Variants in NDUFB1 observed in about 807,000 individuals in gnomAD.
NDUFB1 encodes the protein NADH dehydrogenase [ubiquinone] 1 beta subcomplex subunit 1.
In NDUFB1, 6 loss-of-function variants were observed where a neutral mutation model predicts 6.7. The ratio of observed to expected loss-of-function variants is 0.89; its 90% CI spans 0.49 to 1.76. NDUFB1 has a LOEUF of 1.76. Among genes scored for constraint, NDUFB1 ranks in the 40% most tolerant of loss-of-function variants. The probability of loss-of-function intolerance (pLI) is 0.01; values close to 1 mark genes in which losing one functional copy is unlikely to be tolerated. For synonymous variants in NDUFB1, 17 were observed against 22.9 expected, an observed-to-expected ratio of 0.74 and a Z score of 0.74; for missense variants, 56 against 71.0, an observed-to-expected ratio of 0.79 and a Z score of 0.76.
Position 92,121,045 on chromosome 14 carries a change from C to A in NDUFB1, c.-6+597G>T, listed in dbSNP as rs377181332. On this transcript the variant is annotated intron_variant, in intron 1 of 2. Transcript: ENST00000605997. The stretch of plus-strand genomic sequence containing the variant: ...GGTGTGGTGGCGGGCGCCTGTAATC[C>A]CAGCTACTTGGGCTGCTGAGACGGG... 1.5e-4 allele frequency among the ~76,000 whole-genome samples: 23 copies of A among 152,134 alleles called. 2 individuals carry two copies. The highest frequency in any genetic ancestry group is 5.1e-4 in the African/African-American group (21 of 41,540).
At chr14:92,116,325 C>CT in intron 2 of NDUFB1, 96 bp from the exon 3 acceptor site, 1 of 648,638 alleles carries the variant, frequency 1.5e-6, no homozygotes. Context: ...TGCAATATTT[C>CT]ATTTTCTTTT....
intron 1 of NDUFB1, among the ~76,000 whole-genome samples, chr14:92,119,205 C>T (rs548673491): frequency 4.0e-5 from 6 of 148,938 alleles, no homozygotes; most frequent in Non-Finnish European, 5.9e-5. Context: ...CCAGCTACTT[C>T]GGAGGCTGAG....
At chr14:92,120,245 CCAA>C (rs1312978742) in intron 1 of NDUFB1, 2 of 152,124 alleles carry the variant, frequency 1.3e-5, no homozygotes, top group African/African-American at 4.8e-5. Context: ...TACATTATTG[CCAA>C]CAAAAGTGCT....
rs2068764739 is a variant in NDUFB1 at position 92,121,587 on chromosome 14, C to A, written c.-6+55G>T. 3 of 1,608,968 alleles carry A rather than the reference C, an allele frequency of 1.9e-6. No individual in the cohort carries two copies. In the African/African-American group the frequency reaches 4.0e-5, roughly 22 times the overall value. ...CCGAGGGCTTGCCTAGAACCCTCCC[C>A]GCCACCGTCGCCGTGATCCTCGTCG... On this transcript the variant is annotated intron_variant, in intron 1 of 2. Transcript: ENST00000605997.
intron 1 of NDUFB1, 43 bp from the exon 2 acceptor site, chr14:92,117,685 T>G (rs199883313): frequency 1.3e-6 from 2 of 1,566,626 alleles, no homozygotes; most frequent in African/African-American, 1.5e-5. Flanking sequence ...TGCTTTGTTT[T>G]TTTTTTGAAA....
At position 92,121,690 on chromosome 14, in the gene NDUFB1, A is replaced by C; in HGVS notation, c.-54T>G. The C allele has an allele frequency of 6.2e-7, 1 of 1,613,558 alleles. No individual in the cohort carries two copies. Among genetic ancestry groups the C allele is most frequent in the Non-Finnish European group, 8.5e-7 (1 of 1,179,922 alleles). ...ACCCCGAGACCAAGGGCAACAGGGAACTCAACCCGCGCCAGTGGAAGCTGC... is the reference window on the plus strand; with the variant it reads ...ACCCCGAGACCAAGGGCAACAGGGACCTCAACCCGCGCCAGTGGAAGCTGC... On this transcript the variant is annotated 5_prime_UTR_variant, in exon 1 of 3. Coordinates refer to ENST00000605997, the MANE Select transcript of NDUFB1 (RefSeq NM_004545.4).
intron 2 of NDUFB1, among the ~76,000 whole-genome samples, chr14:92,116,627 G>C (rs1373647506): frequency 6.6e-6 from 1 of 151,776 alleles, no homozygotes; most frequent in African/African-American, 2.4e-5. Flanking sequence ...GAGCCACCGC[G>C]CCCGGTCAAT....
intron 1 of NDUFB1, chr14:92,118,739 G>C (rs537607997): frequency 6.3e-6 from 1 of 159,112 alleles, no homozygotes; most frequent in Non-Finnish European, 1.4e-5. Flanking sequence ...TTGGGAGGCT[G>C]AGGCGGGTGG....
chr14:92,118,988 GA>G (rs10649809), intron 1 of NDUFB1: 69 of 347,520 alleles, frequency 2.0e-4, no homozygotes, highest in Admixed American at 3.1e-4. Flanking sequence ...AAAAAAGAAA[GA>G]AAAAAAAAGG....
At chr14:92,116,623 C>T (rs530325472) in intron 2 of NDUFB1, among the ~76,000 whole-genome samples, 1 of 152,160 alleles carries the variant, frequency 6.6e-6, no homozygotes, top group Admixed American at 6.5e-5. Flanking sequence ...GTGTGAGCCA[C>T]CGCGCCCGGT....
intron 2 of NDUFB1, 104 bp from the exon 3 acceptor site, chr14:92,116,333 T>TTTTC: frequency 1.9e-6 from 1 of 516,812 alleles, no homozygotes; most frequent in Non-Finnish European, 3.0e-6. Flanking sequence ...TTCATTTTCT[T>TTTTC]TTTTTTTTTT....
rs1156353616 is a variant in NDUFB1 at position 92,116,179 on chromosome 14, A to C, written c.*14T>G. The C allele has an allele frequency of 1.2e-6, 2 of 1,608,946 alleles. No homozygotes were observed. The highest frequency in any genetic ancestry group is 1.7e-6 in the Non-Finnish European group (2 of 1,175,674). On this transcript the variant is annotated 3_prime_UTR_variant, in exon 3 of 3. Transcript: ENST00000605997. ...GAACTTTAAAATGTGAACATTCGAT[A>C]ATCTAGCCAGTCTTTACTTCCAGGT...
chr14:92,116,165 T>C lies in NDUFB1; in HGVS notation c.*28A>G. The C allele has an allele frequency of 7.5e-6, 12 of 1,598,534 alleles. 1 individual carries two copies. Among genetic ancestry groups the C allele is most frequent in the South Asian group, 1.1e-5 (1 of 90,762 alleles). On this transcript the variant is annotated 3_prime_UTR_variant, in exon 3 of 3. Coordinates refer to ENST00000605997, the MANE Select transcript of NDUFB1 (RefSeq NM_004545.4). ...TTTTATTTCTCTCAGAACTTTAAAA[T>C]GTGAACATTCGATAATCTAGCCAGT...
intron 1 of NDUFB1, 135 bp downstream of exon 1, chr14:92,121,507 C>A (rs1029310263): frequency 1.1e-5 from 14 of 1,326,874 alleles, no homozygotes; most frequent in Non-Finnish European, 1.5e-5. Context: ...TTTCCCGTCA[C>A]CTTCGTTCGG....
chr14:92,121,611 C>A, intron 1 of NDUFB1, 31 bp downstream of exon 1: 48 of 1,611,708 alleles, frequency 3.0e-5, no homozygotes, highest in Non-Finnish European at 4.1e-5. Flanking sequence ...TGATCCTCGT[C>A]GCGGCGGCCC....
chr14:92,121,531 G>T, intron 1 of NDUFB1, 111 bp downstream of exon 1: 1 of 1,496,914 alleles, frequency 6.7e-7, no homozygotes, highest in Non-Finnish European at 9.1e-7. Flanking sequence ...CCCCGGGGAA[G>T]CCCAGACCAC....
intron 2 of NDUFB1, among the ~76,000 whole-genome samples, chr14:92,117,196 A>T (rs928790808): frequency 9.9e-5 from 15 of 152,272 alleles, no homozygotes; most frequent in Non-Finnish European, 1.6e-4. Flanking sequence ...GAAGCTGTAT[A>T]TAAGCTAGGT....
chr14:92,119,393 T>C (rs1018160052), intron 1 of NDUFB1, among the ~76,000 whole-genome samples: 1 of 152,164 alleles, frequency 6.6e-6, no homozygotes, highest in Admixed American at 6.5e-5. Context: ...AACTATTATT[T>C]ACATTTTACA....
Position 92,121,622 on chromosome 14 carries a change from C to T in NDUFB1, c.-6+20G>A. 6.2e-7 allele frequency: 1 copy of T among 1,612,250 alleles called. No individual in the cohort carries two copies. The highest frequency in any genetic ancestry group is 2.2e-5 in the East Asian group (1 of 44,824). On this transcript the variant is annotated intron_variant, in intron 1 of 2. Transcript: ENST00000605997. The stretch of plus-strand genomic sequence containing the variant: ...GCCGTGATCCTCGTCGCGGCGGCCC[C>T]CCGGGCTCCCCAAACCCACCTGCAG...
Sources: allele counts gnomAD v4.1 joint callset (sites outside exome capture counted in the v4.1 genomes callset), GRCh38; gene constraint gnomAD v4.1.1; transcripts MANE v1.5; gene names NCBI Gene and HGNC (gene_info 2026-07-23, HGNC 2026-07-21).